Variants in FRMD4A observed in about 807,000 individuals in gnomAD.
The protein encoded by FRMD4A is FERM domain-containing protein 4A.
FRMD4A carries 29 observed loss-of-function variants against 129.1 expected under a neutral mutation model. The observed-to-expected ratio is 0.22, with a 90% CI of 0.17 to 0.31. The LOEUF (loss-of-function observed/expected upper bound fraction) is 0.31. Ranked by LOEUF, FRMD4A falls within the 10% of genes least tolerant of loss-of-function variation. The pLI, the probability that FRMD4A is intolerant of heterozygous loss-of-function variation, is 1.00. For synonymous variants in FRMD4A, 634 were observed against 571.6 expected, an observed-to-expected ratio of 1.11 and a Z score of -1.56; for missense variants, 1,272 against 1,375.8, an observed-to-expected ratio of 0.92 and a Z score of 1.19.
At chr10:14,322,456 A>C (rs1589312419) in intron 2 of FRMD4A, among the ~76,000 whole-genome samples, 1 of 152,244 alleles carries the variant, frequency 6.6e-6, no homozygotes, top group African/African-American at 2.4e-5. Flanking sequence ...TTGGACTTGC[A>C]GTTACTAGGA....
chr10:13,816,271 C>T (rs2093540796), intron 3 of FRMD4A, among the ~76,000 whole-genome samples: 1 of 152,240 alleles, frequency 6.6e-6, no homozygotes, highest in Non-Finnish European at 1.5e-5. Flanking sequence ...GTTGAGGTTA[C>T]AACTCCTGAC....
At chr10:13,855,087 G>A (rs2094195011) in intron 3 of FRMD4A, among the ~76,000 whole-genome samples, 1 of 152,154 alleles carries the variant, frequency 6.6e-6, no homozygotes, top group African/African-American at 2.4e-5. Context: ...TAGAGGATTT[G>A]GAAGCACAGA....
chr10:13,806,874 C>G (rs968701224), intron 4 of FRMD4A, among the ~76,000 whole-genome samples: 3 of 152,216 alleles, frequency 2.0e-5, no homozygotes, highest in African/African-American at 7.2e-5. Context: ...GTGGCATGAC[C>G]TCGGCTCACT....
At chr10:13,712,462 C>T (rs1182243249) in intron 12 of FRMD4A, among the ~76,000 whole-genome samples, 1 of 150,912 alleles carries the variant, frequency 6.6e-6, no homozygotes, top group African/African-American at 2.4e-5. Flanking sequence ...TGCAGTGAGC[C>T]GAGATCTTAC....
intron 2 of FRMD4A, among the ~76,000 whole-genome samples, chr10:13,880,217 T>A (rs1333899498): frequency 6.6e-6 from 1 of 152,060 alleles, no homozygotes; most frequent in African/African-American, 2.4e-5. Context: ...ATTCCTGATC[T>A]CACTTTTCCC....
At chr10:13,695,161 TTG>T (rs1018863145) in intron 14 of FRMD4A, among the ~76,000 whole-genome samples, 24 of 152,218 alleles carry the variant, frequency 1.6e-4, no homozygotes, top group African/African-American at 5.8e-4. Flanking sequence ...TTTTTTTTTT[TTG>T]AGACAGAGTC....
intron 15 of FRMD4A, among the ~76,000 whole-genome samples, chr10:13,686,199 C>T (rs1013833618): frequency 6.6e-6 from 1 of 152,218 alleles, no homozygotes; most frequent in African/African-American, 2.4e-5. Flanking sequence ...AAGGAGAGGC[C>T]ACAGGCCATG....
intron 2 of FRMD4A, among the ~76,000 whole-genome samples, chr10:14,164,747 A>T (rs1841086531): frequency 6.6e-6 from 1 of 152,224 alleles, no homozygotes; most frequent in South Asian, 2.1e-4. Flanking sequence ...AAATGAGGTT[A>T]AAAATATCTG....
At chr10:13,677,761 CA>C (rs1366327258) in intron 15 of FRMD4A, among the ~76,000 whole-genome samples, 5 of 152,340 alleles carry the variant, frequency 3.3e-5, no homozygotes, top group Non-Finnish European at 5.9e-5. Context: ...AGTCACCAAT[CA>C]CATCTGAAGA....
intron 2 of FRMD4A, among the ~76,000 whole-genome samples, chr10:14,125,700 GTCTC>G (rs1002067025): frequency 1.3e-5 from 2 of 151,442 alleles, no homozygotes; most frequent in African/African-American, 2.4e-5. Context: ...GGGGAATCCA[GTCTC>G]TCTCTCTCTC....
intron 2 of FRMD4A, among the ~76,000 whole-genome samples, chr10:14,040,174 T>A (rs1403178687): frequency 6.6e-6 from 1 of 152,102 alleles, no homozygotes; most frequent in East Asian, 1.9e-4. Context: ...AGAGCCTGAA[T>A]AGGAATGCAA....
chr10:14,140,545 C>A (rs931527173), intron 2 of FRMD4A, among the ~76,000 whole-genome samples: 2 of 152,194 alleles, frequency 1.3e-5, no homozygotes, highest in Admixed American at 1.3e-4. Flanking sequence ...TTCCACTTAA[C>A]CTCTGAGGCC....
At chr10:13,904,236 C>T (rs2094854088) in intron 2 of FRMD4A, among the ~76,000 whole-genome samples, 2 of 59,118 alleles carry the variant, frequency 3.4e-5, no homozygotes, top group South Asian at 7.2e-4. Flanking sequence ...GCTGGCGTTT[C>T]GCCTCCCAGC....
intron 2 of FRMD4A, among the ~76,000 whole-genome samples, chr10:14,180,797 G>A (rs534256218): frequency 3.3e-5 from 5 of 152,310 alleles, no homozygotes; most frequent in Admixed American, 2.0e-4. Context: ...TCACCCATGC[G>A]CAGTGATGGG....
chr10:13,684,487 G>A (rs2084900665), intron 15 of FRMD4A: 2 of 985,326 alleles, frequency 2.0e-6, no homozygotes, highest in South Asian at 4.7e-5. Context: ...TGGGTGTGGA[G>A]GAGCGGATGT....
intron 15 of FRMD4A, among the ~76,000 whole-genome samples, chr10:13,679,485 ACAC>A: frequency 7.6e-6 from 1 of 132,112 alleles, no homozygotes; most frequent in Non-Finnish European, 1.6e-5. Context: ...ACACACACAC[ACAC>A]ACACACACAC....
At chr10:13,674,584 T>C (rs1201501235) in intron 16 of FRMD4A, among the ~76,000 whole-genome samples, 3 of 152,234 alleles carry the variant, frequency 2.0e-5, no homozygotes, top group Non-Finnish European at 4.4e-5. Flanking sequence ...CCTTTAAGCA[T>C]ATTCTTTTAA....
intron 2 of FRMD4A, among the ~76,000 whole-genome samples, chr10:14,042,362 C>G (rs1833812340): frequency 6.6e-6 from 1 of 152,112 alleles, no homozygotes. Context: ...CCAATCAGGA[C>G]AAATACAGAA....
intron 2 of FRMD4A, 60 bp downstream of exon 2, chr10:14,329,998 C>A: frequency 2.0e-6 from 3 of 1,477,300 alleles, no homozygotes; most frequent in Non-Finnish European, 1.9e-6. Context: ...CAGCAGCCCA[C>A]GGTGCAGGGG....
Sources: gnomAD v4.1 joint callset for allele counts (sites outside exome capture counted in the v4.1 genomes callset) on GRCh38, gnomAD v4.1.1 for gene constraint, MANE v1.5 for transcripts, NCBI Gene and HGNC (gene_info 2026-07-23, HGNC 2026-07-21) for gene names.